Variants in EXOC6B observed in about 807,000 individuals in gnomAD.
EXOC6B encodes exocyst complex component 6B, also known as SEC15 homolog B.
EXOC6B carries 54 observed loss-of-function variants against 113.5 expected under a neutral mutation model. That is an observed-to-expected ratio of 0.48 (90% CI 0.38 to 0.60). The LOEUF is 0.60. Ranked by LOEUF, EXOC6B falls within the 20% of genes least tolerant of loss-of-function variation. The pLI is 0.00. For missense variants in EXOC6B, 797 were observed against 977.5 expected (o/e 0.82, Z 2.46); for synonymous variants, 357 against 339.0 (o/e 1.05, Z -0.58).
chr2:72,229,488 A>C (rs1283531212), intron 20 of EXOC6B, among the ~76,000 whole-genome samples: 2 of 152,190 alleles, frequency 1.3e-5, no homozygotes, highest in African/African-American at 4.8e-5. Flanking sequence ...TGGTTCTAAC[A>C]ATAAGCAAGA....
At chr2:72,545,495 T>C (rs1314727200) in intron 8 of EXOC6B, among the ~76,000 whole-genome samples, 1 of 152,174 alleles carries the variant, frequency 6.6e-6, no homozygotes, top group African/African-American at 2.4e-5. Context: ...ATAGCAACAG[T>C]GCTTCTGGTA....
chr2:72,706,626 G>C (rs1678897896), intron 6 of EXOC6B, among the ~76,000 whole-genome samples: 1 of 152,090 alleles, frequency 6.6e-6, no homozygotes, highest in Non-Finnish European at 1.5e-5. Context: ...ATCATCAGCT[G>C]AAACTCTGCC....
intron 20 of EXOC6B, among the ~76,000 whole-genome samples, chr2:72,319,956 C>G (rs1417806262): frequency 2.6e-5 from 4 of 152,012 alleles, no homozygotes; most frequent in Admixed American, 2.6e-4. Context: ...CCTGCCTCAG[C>G]CTCCTGAGTA....
chr2:72,448,451 A>G (rs1696715367), intron 18 of EXOC6B, among the ~76,000 whole-genome samples: 1 of 152,170 alleles, frequency 6.6e-6, no homozygotes. Context: ...TATTTTCAAT[A>G]TTTGTCTGCT....
intron 20 of EXOC6B, among the ~76,000 whole-genome samples, chr2:72,319,162 G>T (rs1056079508): frequency 2.1e-4 from 32 of 151,858 alleles, no homozygotes; most frequent in African/African-American, 7.7e-4. Context: ...TATAAGTTTA[G>T]AAATAATGGC....
intron 8 of EXOC6B, among the ~76,000 whole-genome samples, chr2:72,534,738 CACT>C (rs1400879063): frequency 6.6e-6 from 1 of 152,134 alleles, no homozygotes; most frequent in African/African-American, 2.4e-5. Context: ...CAATTGCTGT[CACT>C]ATAAGAAAAC....
chr2:72,278,538 C>A (rs1369012109), intron 20 of EXOC6B, among the ~76,000 whole-genome samples: 2 of 152,170 alleles, frequency 1.3e-5, no homozygotes, highest in Non-Finnish European at 2.9e-5. Flanking sequence ...AATCAACAAT[C>A]AGCCAAATAT....
At chr2:72,602,469 T>C (rs565996271) in intron 6 of EXOC6B, among the ~76,000 whole-genome samples, 5 of 152,188 alleles carry the variant, frequency 3.3e-5, no homozygotes, top group South Asian at 2.1e-4. Context: ...ACCAATAGAA[T>C]AGACCAACCA....
chr2:72,318,405 T>A (rs1436902796), intron 20 of EXOC6B, among the ~76,000 whole-genome samples: 1 of 152,150 alleles, frequency 6.6e-6, no homozygotes, highest in African/African-American at 2.4e-5. Context: ...TTAATTTTTT[T>A]TTTTTTGAGA....
At chr2:72,368,904 T>C (rs1340273021) in intron 19 of EXOC6B, among the ~76,000 whole-genome samples, 1 of 152,088 alleles carries the variant, frequency 6.6e-6, no homozygotes, top group African/African-American at 2.4e-5. Context: ...CCACAGCCAA[T>C]ATCATACTGA....
chr2:72,585,814 C>T (rs1281276982), intron 6 of EXOC6B, among the ~76,000 whole-genome samples: 1 of 151,960 alleles, frequency 6.6e-6, no homozygotes, highest in Admixed American at 6.6e-5. Context: ...AAAAAACCTA[C>T]CAACCTAAAA....
chr2:72,554,789 G>A (rs142445589), intron 8 of EXOC6B, among the ~76,000 whole-genome samples: 40 of 151,960 alleles, frequency 2.6e-4, no homozygotes, highest in African/African-American at 9.4e-4. Flanking sequence ...AAGTTCCAGG[G>A]TACATGTGCA....
intron 8 of EXOC6B, among the ~76,000 whole-genome samples, chr2:72,546,522 C>G (rs922970148): frequency 6.6e-6 from 1 of 152,078 alleles, no homozygotes; most frequent in Non-Finnish European, 1.5e-5. Flanking sequence ...ATAGCCAAGT[C>G]CTCAAAAAAT....
intron 21 of EXOC6B, 54 bp downstream of exon 21, chr2:72,184,021 C>T (rs1678258889): frequency 2.9e-6 from 3 of 1,023,056 alleles, no homozygotes; most frequent in Non-Finnish European, 4.4e-6. Context: ...CTACGCCAAC[C>T]CCCAATCCCT....
At chr2:72,731,820 C>T (rs185325219) in intron 3 of EXOC6B, among the ~76,000 whole-genome samples, 1 of 152,030 alleles carries the variant, frequency 6.6e-6, no homozygotes. Context: ...GAGAATGGTC[C>T]TAAGTCACTG....
intron 20 of EXOC6B, among the ~76,000 whole-genome samples, chr2:72,270,172 A>C (rs939846771): frequency 6.6e-6 from 1 of 152,076 alleles, no homozygotes; most frequent in Non-Finnish European, 1.5e-5. Context: ...CTCCAAAAGC[A>C]TAGGTTCCAG....
At chr2:72,751,949 T>G (rs1192319389) in intron 1 of EXOC6B, among the ~76,000 whole-genome samples, 1 of 152,190 alleles carries the variant, frequency 6.6e-6, no homozygotes, top group African/African-American at 2.4e-5. Context: ...TAGAACTGGC[T>G]GCCTATTTAT....
At chr2:72,772,890 T>C (rs112383848) in intron 1 of EXOC6B, among the ~76,000 whole-genome samples, 2,322 of 151,936 alleles carry the variant, frequency 0.015, 36 homozygotes, top group Non-Finnish European at 0.022. Context: ...AGGAAAACCA[T>C]AATCCCCCCA....
Position 72,234,774 on chromosome 2 carries a change from A to G in EXOC6B, c.2197-50587T>C, listed in dbSNP as rs1470067628. On this transcript the variant is annotated intron_variant, in intron 20 of 21. Coordinates refer to ENST00000272427, the MANE Select transcript of EXOC6B (RefSeq NM_015189.3). Reference sequence around the variant, plus strand: ...TGAACGACACTTTTCAAAAGGAGATACACATGCAGCCAACAAGCATACAGA... The same window carrying G: ...TGAACGACACTTTTCAAAAGGAGATGCACATGCAGCCAACAAGCATACAGA... Among the ~76,000 whole-genome samples, 4 of 152,346 alleles carry G rather than the reference A, an allele frequency of 2.6e-5. No individual in the cohort carries two copies. In the East Asian group the frequency reaches 7.7e-4, roughly 29 times the overall value.
Sources: gnomAD v4.1 joint callset for allele counts (sites outside exome capture counted in the v4.1 genomes callset) on GRCh38, gnomAD v4.1.1 for gene constraint, MANE v1.5 for transcripts, NCBI Gene and HGNC (gene_info 2026-07-23, HGNC 2026-07-21) for gene names.